Variants in LRRC4C observed in about 807,000 individuals in gnomAD.
LRRC4C encodes leucine-rich repeat-containing protein 4C.
LRRC4C carries 5 observed loss-of-function variants against 33.6 expected under a neutral mutation model. The observed-to-expected ratio is 0.15, with a 90% CI of 0.08 to 0.31. The LOEUF (loss-of-function observed/expected upper bound fraction) is 0.31. Ranked by LOEUF, LRRC4C falls within the 10% of genes least tolerant of loss-of-function variation. The pLI, the probability that LRRC4C is intolerant of heterozygous loss-of-function variation, is 1.00. For missense variants in LRRC4C, 560 were observed against 796.7 expected (o/e 0.70, Z 3.58); for synonymous variants, 329 against 302.0 (o/e 1.09, Z -0.93).
chr11:40,150,450 G>T (rs905600821), intron 5 of LRRC4C, among the ~76,000 whole-genome samples: 14 of 152,172 alleles, frequency 9.2e-5, no homozygotes, highest in African/African-American at 3.4e-4. Context: ...AATATAGTTT[G>T]ACTTAGACTT....
chr11:41,357,006 C>T (rs960397560), intron 1 of LRRC4C, among the ~76,000 whole-genome samples: 31 of 152,074 alleles, frequency 2.0e-4, no homozygotes, highest in African/African-American at 5.8e-4. Context: ...TGTGAGAGAT[C>T]CTGAATTCAA....
intron 3 of LRRC4C, among the ~76,000 whole-genome samples, chr11:40,404,463 C>T (rs1253388691): frequency 6.6e-6 from 1 of 152,148 alleles, no homozygotes; most frequent in Non-Finnish European, 1.5e-5. Flanking sequence ...TCAGTTTATC[C>T]TCACCTTCCA....
At chr11:40,654,823 C>A (rs536477352) in intron 2 of LRRC4C, among the ~76,000 whole-genome samples, 1 of 152,084 alleles carries the variant, frequency 6.6e-6, no homozygotes, top group African/African-American at 2.4e-5. Context: ...CCCATAATAC[C>A]CACGTGTCAA....
At chr11:40,813,569 T>C (rs1043539468) in intron 2 of LRRC4C, among the ~76,000 whole-genome samples, 1 of 152,072 alleles carries the variant, frequency 6.6e-6, no homozygotes, top group Admixed American at 6.6e-5. Flanking sequence ...CCCTGGCCCC[T>C]CCCAAATCTC....
intron 2 of LRRC4C, among the ~76,000 whole-genome samples, chr11:40,837,970 C>CA (rs1271901920): frequency 1.3e-5 from 2 of 151,888 alleles, no homozygotes; most frequent in Admixed American, 1.3e-4. Context: ...AGACTTATAA[C>CA]AAAAAATACC....
At chr11:40,674,156 G>T (rs1171641920) in intron 2 of LRRC4C, among the ~76,000 whole-genome samples, 1 of 152,152 alleles carries the variant, frequency 6.6e-6, no homozygotes, top group Admixed American at 6.5e-5. Context: ...ATATCTTTTA[G>T]AATATCTATA....
chr11:41,075,294 T>A (rs1326263322), intron 1 of LRRC4C, among the ~76,000 whole-genome samples: 1 of 152,054 alleles, frequency 6.6e-6, no homozygotes, highest in Non-Finnish European at 1.5e-5. Flanking sequence ...TTGTTAAACT[T>A]ATTTTCAACT....
Position 40,803,695 on chromosome 11 carries a change from G to A in LRRC4C, c.-407+129940C>T, listed in dbSNP as rs187024259. ...CCGTCTCTACTAAAAGGATGGTCTC[G>A]ATCTCCTGACCTCGTGGTCCACCCG... On this transcript the variant is annotated intron_variant, in intron 2 of 6. Transcript: ENST00000528697. Among the ~76,000 whole-genome samples, 441 of 152,132 alleles carry A rather than the reference G, an allele frequency of 2.9e-3. 2 individuals carry two copies. Among genetic ancestry groups the A allele is most frequent in the Non-Finnish European group, 5.2e-3 (354 of 68,006 alleles).
intron 2 of LRRC4C, among the ~76,000 whole-genome samples, chr11:40,729,819 T>A (rs545113667): frequency 1.3e-5 from 2 of 152,326 alleles, no homozygotes; most frequent in South Asian, 4.1e-4. Flanking sequence ...ATCATTTTTA[T>A]ACTTAATATT....
At chr11:40,906,017 A>G (rs1956399601) in intron 2 of LRRC4C, among the ~76,000 whole-genome samples, 1 of 152,138 alleles carries the variant, frequency 6.6e-6, no homozygotes, top group Admixed American at 6.5e-5. Context: ...TTGTTGTCTT[A>G]TTTCCAGAAA....
At chr11:40,982,648 A>C (rs750319367) in intron 1 of LRRC4C, among the ~76,000 whole-genome samples, 1 of 152,048 alleles carries the variant, frequency 6.6e-6, no homozygotes, top group Non-Finnish European at 1.5e-5. Flanking sequence ...TATCTGACTG[A>C]AATTTTCTTT....
At chr11:40,746,694 A>C (rs1948442807) in intron 2 of LRRC4C, among the ~76,000 whole-genome samples, 1 of 152,134 alleles carries the variant, frequency 6.6e-6, no homozygotes, top group Non-Finnish European at 1.5e-5. Context: ...CAGGCCATAC[A>C]ATCAGGGCCT....
intron 2 of LRRC4C, among the ~76,000 whole-genome samples, chr11:40,925,587 T>C (rs1957380209): frequency 6.6e-6 from 1 of 152,220 alleles, no homozygotes; most frequent in South Asian, 2.1e-4. Flanking sequence ...ATCTAATTTA[T>C]TCCTCCAGGT....
intron 2 of LRRC4C, among the ~76,000 whole-genome samples, chr11:40,726,789 T>C (rs1418018997): frequency 1.3e-5 from 2 of 151,812 alleles, no homozygotes; most frequent in Non-Finnish European, 2.9e-5. Context: ...ATAAAAGTCA[T>C]CCAAATAGGA....
chr11:41,065,612 T>G (rs976091219), intron 1 of LRRC4C, among the ~76,000 whole-genome samples: 4 of 152,176 alleles, frequency 2.6e-5, no homozygotes, highest in South Asian at 4.1e-4. Flanking sequence ...CCATGCCTCC[T>G]GACAAGGAGA....
At chr11:41,287,234 G>T (rs1949856270) in intron 1 of LRRC4C, among the ~76,000 whole-genome samples, 1 of 152,048 alleles carries the variant, frequency 6.6e-6, no homozygotes, top group South Asian at 2.1e-4. Flanking sequence ...TCATGATCTG[G>T]TTATTACATA....
intron 1 of LRRC4C, among the ~76,000 whole-genome samples, chr11:41,249,596 C>T (rs1948573863): frequency 6.6e-6 from 1 of 152,136 alleles, no homozygotes; most frequent in South Asian, 2.1e-4. Context: ...ATCAGGTTCA[C>T]ACCAAGCTCC....
At chr11:40,229,403 G>T (rs892606605) in intron 5 of LRRC4C, among the ~76,000 whole-genome samples, 3 of 152,046 alleles carry the variant, frequency 2.0e-5, no homozygotes, top group Non-Finnish European at 4.4e-5. Context: ...CTCTCGAGTA[G>T]CTGGGATTAC....
intron 1 of LRRC4C, among the ~76,000 whole-genome samples, chr11:41,046,070 T>C (rs1243264557): frequency 1.3e-5 from 2 of 152,208 alleles, no homozygotes; most frequent in African/African-American, 4.8e-5. Context: ...ATATTTGAAC[T>C]GGCCATATTT....
Sources: allele counts gnomAD v4.1 joint callset (sites outside exome capture counted in the v4.1 genomes callset), GRCh38; gene constraint gnomAD v4.1.1; transcripts MANE v1.5; gene names NCBI Gene and HGNC (gene_info 2026-07-23, HGNC 2026-07-21).